The following SDK2 variants were observed in gnomAD, a reference collection of about 807,000 sequenced individuals.
The protein encoded by SDK2 is sidekick cell adhesion molecule 2, also known as protein sidekick-2.
Under a neutral mutation model 253.9 loss-of-function variants are expected in SDK2, and 105 were observed. The ratio of observed to expected loss-of-function variants is 0.41; its 90% CI spans 0.35 to 0.49. The LOEUF (loss-of-function observed/expected upper bound fraction) is 0.49. Among genes scored for constraint, SDK2 ranks in the 20% least tolerant of loss-of-function variants. The pLI is 0.06. For synonymous variants in SDK2, 1,249 were observed against 1,234.9 expected (o/e 1.01, Z -0.24); for missense variants, 2,608 against 3,003.0 (o/e 0.87, Z 3.07).
Position 73,510,878 on chromosome 17 carries a change from G to A in SDK2, c.65-3281C>T, listed in dbSNP as rs533741993. ...TTAACAAGCGTCAGGTGAACGCAGC[G>A]TCTTAAAAACAGTTGAGAAGATGCT... On this transcript the variant is annotated intron_variant, in intron 1 of 44. Coordinates refer to ENST00000392650, the MANE Select transcript of SDK2 (RefSeq NM_001144952.2). 5.3e-5 allele frequency among the ~76,000 whole-genome samples: 8 copies of A among 152,300 alleles called. No homozygotes were observed. In the East Asian group the frequency reaches 5.8e-4, roughly 11 times the overall value.
intron 15 of SDK2, among the ~76,000 whole-genome samples, chr17:73,419,743 T>G (rs12451700): frequency 0.68 from 92,314 of 136,214 alleles, 32,610 homozygotes; most frequent in Non-Finnish European, 0.75. Flanking sequence ...AAAAACTCCC[T>G]CCTGGTGACT....
intron 1 of SDK2, among the ~76,000 whole-genome samples, chr17:73,555,411 C>T (rs572790461): frequency 3.3e-5 from 5 of 152,290 alleles, no homozygotes; most frequent in African/African-American, 7.2e-5. Context: ...CCATTGGGAG[C>T]GGTGCACTGG....
At chr17:73,583,782 G>T (rs1753120730) in intron 1 of SDK2, among the ~76,000 whole-genome samples, 1 of 152,220 alleles carries the variant, frequency 6.6e-6, no homozygotes, top group Non-Finnish European at 1.5e-5. Context: ...CAGGATCAAA[G>T]GCCCTGAGCT....
Position 73,591,978 on chromosome 17 carries a change from C to T in SDK2, c.64+52047G>A, listed in dbSNP as rs116216683. Among the ~76,000 whole-genome samples the T allele has an allele frequency of 7.3e-3, 1,113 of 152,222 alleles. 16 individuals carry two copies. Among genetic ancestry groups the T allele is most frequent in the African/African-American group, 0.025 (1,044 of 41,518 alleles). ...AGAGCACACCCAGCCTCTCTGGGGACGTGGGGTACGTGCTATGAATGCACC... is the reference window on the plus strand; with the variant it reads ...AGAGCACACCCAGCCTCTCTGGGGATGTGGGGTACGTGCTATGAATGCACC... On this transcript the variant is annotated intron_variant, in intron 1 of 44. Coordinates refer to ENST00000392650, the MANE Select transcript of SDK2 (RefSeq NM_001144952.2).
chr17:73,386,356 T>C (rs1185202746), intron 31 of SDK2, 89 bp downstream of exon 31: 8 of 956,278 alleles, frequency 8.4e-6, no homozygotes, highest in Non-Finnish European at 1.3e-5. Context: ...CTCTCATCTT[T>C]GGAGGCCCCT....
At chr17:73,396,403 C>A (rs761453771) in intron 24 of SDK2, among the ~76,000 whole-genome samples, 7 of 152,036 alleles carry the variant, frequency 4.6e-5, no homozygotes, top group Non-Finnish European at 8.8e-5. Context: ...TCACCTCCCC[C>A]AGTTCTGCTT....
In SDK2 at chr17:73,401,667, AT is replaced by A; in HGVS notation, c.2765del (p.Asn922MetfsTer21). The stretch of plus-strand genomic sequence containing the variant: ...TGCAGTGCCTACCTGTGAGGATGCC[AT>A]TTTTCTCTCCCGGCTCTTGCCAGCT... ...KVSWQEPGEK[N>X]GILTGYRISW... On this transcript the variant is annotated frameshift_variant, in exon 20 of 45. Coordinates refer to ENST00000392650, the MANE Select transcript of SDK2 (RefSeq NM_001144952.2). LOFTEE classifies it high-confidence loss of function. 1 of 1,591,012 alleles carries A rather than the reference AT, an allele frequency of 6.3e-7. No homozygotes were observed. Among genetic ancestry groups the A allele is most frequent in the Non-Finnish European group, 8.6e-7 (1 of 1,167,800 alleles).
chr17:73,578,897 T>C (rs955112045), intron 1 of SDK2, among the ~76,000 whole-genome samples: 3 of 152,076 alleles, frequency 2.0e-5, no homozygotes, highest in Admixed American at 2.0e-4. Flanking sequence ...CTTCTCTCTC[T>C]GCCCAGTGTC....
intron 1 of SDK2, among the ~76,000 whole-genome samples, chr17:73,562,041 G>C (rs1162367118): frequency 3.9e-5 from 6 of 152,168 alleles, no homozygotes; most frequent in Admixed American, 3.3e-4. Context: ...CAGGAGAATT[G>C]CTTGAACCCG....
At chr17:73,408,053 T>C (rs1568386872) in intron 18 of SDK2, among the ~76,000 whole-genome samples, 2 of 126,538 alleles carry the variant, frequency 1.6e-5, no homozygotes, top group African/African-American at 2.7e-5. Context: ...TTTCCTTTTT[T>C]TTTTTTTTTT....
intron 27 of SDK2, among the ~76,000 whole-genome samples, chr17:73,392,371 G>A (rs1465199501): frequency 6.6e-6 from 1 of 152,058 alleles, no homozygotes; most frequent in Non-Finnish European, 1.5e-5. Context: ...CCGGGTTCAA[G>A]CGATTCTCCT....
At chr17:73,462,415 A>G (rs959187886) in intron 3 of SDK2, among the ~76,000 whole-genome samples, 1 of 148,056 alleles carries the variant, frequency 6.8e-6, no homozygotes, top group African/African-American at 2.5e-5. Flanking sequence ...GGATGTCCAT[A>G]TATGGATGCA....
chr17:73,626,386 C>T (rs1243114946), intron 1 of SDK2, among the ~76,000 whole-genome samples: 1 of 152,220 alleles, frequency 6.6e-6, no homozygotes, highest in Non-Finnish European at 1.5e-5. Context: ...AAGGGCTGGG[C>T]AAATGCACGG....
intron 21 of SDK2, among the ~76,000 whole-genome samples, chr17:73,400,263 T>C (rs939851168): frequency 6.6e-6 from 1 of 152,082 alleles, no homozygotes; most frequent in Non-Finnish European, 1.5e-5. Flanking sequence ...GAGCTGAGAG[T>C]GGACCTCGGC....
chr17:73,493,850 G>A (rs2063823865), intron 2 of SDK2, among the ~76,000 whole-genome samples: 1 of 152,180 alleles, frequency 6.6e-6, no homozygotes. Context: ...GCATCGCCCT[G>A]CCTGCCCCAG....
At chr17:73,485,956 G>A (rs973473000) in intron 2 of SDK2, among the ~76,000 whole-genome samples, 51 of 152,352 alleles carry the variant, frequency 3.3e-4, no homozygotes, top group Admixed American at 2.7e-3. Context: ...AGAGGGAACT[G>A]GAGTTGGTCA....
chr17:73,643,924 G>T lies in SDK2; in HGVS notation c.64+101C>A. 9.6e-7 allele frequency: 1 copy of T among 1,046,460 alleles called. No homozygotes were observed. Among genetic ancestry groups the T allele is most frequent in the Non-Finnish European group, 1.4e-6 (1 of 701,130 alleles). 64.8% of individuals were successfully genotyped at this position (1,046,460 alleles called of 1,614,324 possible). A position where few individuals can be genotyped will look rare whatever the true frequency, so the allele number is the denominator to read the frequency against. ...AGAGGGCTCTGCCACGGCTAAGCCG[G>T]GTGTCCAGGAGGTCACCGTGAGGCC... On this transcript the variant is annotated intron_variant, in intron 1 of 44. Coordinates refer to ENST00000392650, the MANE Select transcript of SDK2 (RefSeq NM_001144952.2). This position sits in a 1 kb window ranked among gnomAD's most constrained non-coding sequence, Gnocchi z 6.9.
At chr17:73,434,005 G>T in intron 9 of SDK2, among the ~76,000 whole-genome samples, 157 bp from the exon 10 acceptor site, 1 of 152,194 alleles carries the variant, frequency 6.6e-6, no homozygotes, top group Middle Eastern at 3.2e-3. Context: ...CATCTTGATG[G>T]AGCCCCAGTG....
intron 2 of SDK2, among the ~76,000 whole-genome samples, chr17:73,483,902 T>A (rs2145718294): frequency 6.6e-6 from 1 of 151,392 alleles, no homozygotes; most frequent in South Asian, 2.1e-4. Context: ...AGACAAGCCC[T>A]GTCCAGGGTA....
Sources: allele counts gnomAD v4.1 joint callset (sites outside exome capture counted in the v4.1 genomes callset), GRCh38; gene constraint gnomAD v4.1.1; non-coding constraint Gnocchi (gnomAD v3.1); transcripts MANE v1.5; gene names NCBI Gene and HGNC (gene_info 2026-07-23, HGNC 2026-07-21).